Variants in PRKN observed in about 807,000 individuals in gnomAD.
The protein encoded by PRKN is parkin RBR E3 ubiquitin protein ligase, also known as E3 ubiquitin-protein ligase parkin.
Under a neutral mutation model 59.5 loss-of-function variants are expected in PRKN, and 56 were observed. The ratio of observed to expected loss-of-function variants is 0.94; its 90% CI spans 0.76 to 1.18. The LOEUF is 1.18. Among genes scored for constraint, PRKN ranks in the 50% most tolerant of loss-of-function variants. The pLI is 0.00. For synonymous variants in PRKN, 250 were observed against 222.1 expected (o/e 1.13, Z -1.12); for missense variants, 657 against 596.4 (o/e 1.10, Z -1.06).
intron 7 of PRKN, among the ~76,000 whole-genome samples, chr6:161,672,011 C>T (rs1423981136): frequency 2.0e-5 from 3 of 152,290 alleles, no homozygotes; most frequent in Admixed American, 1.3e-4. Flanking sequence ...TTGCTTGGAG[C>T]GGTCCACACA....
In PRKN at chr6:162,631,985, T is replaced by TAA. The variant is rs766901063; in HGVS notation, c.7+95675_7+95676dup. Among the ~76,000 whole-genome samples the TAA allele has an allele frequency of 3.1e-3, 359 of 117,210 alleles. 2 individuals carry two copies. The highest frequency in any genetic ancestry group is 9.3e-3 in the African/African-American group (289 of 31,218). The allele number at this position is 117,210 out of a possible 152,430, so 76.9% of individuals were successfully genotyped here. A position where few individuals can be genotyped will look rare whatever the true frequency, so the allele number is the denominator to read the frequency against. ...AGTCAGAATGGCTATTATTAAAAAG[T>TAA]AAAAAAAAAAAAAAAAGATGTGGCA... On this transcript the variant is annotated intron_variant, in intron 1 of 11. Coordinates refer to ENST00000366898, the MANE Select transcript of PRKN (RefSeq NM_004562.3).
chr6:162,485,493 G>C (rs917855245), intron 1 of PRKN, among the ~76,000 whole-genome samples: 4 of 152,130 alleles, frequency 2.6e-5, no homozygotes, highest in Non-Finnish European at 5.9e-5. Context: ...AAATGTTACA[G>C]CAGAAAGCCA....
intron 1 of PRKN, among the ~76,000 whole-genome samples, chr6:162,520,735 A>G (rs1778048763): frequency 6.6e-6 from 1 of 152,078 alleles, no homozygotes; most frequent in Non-Finnish European, 1.5e-5. Context: ...ATTTCAAGTA[A>G]TTACTTACTT....
intron 7 of PRKN, among the ~76,000 whole-genome samples, chr6:161,570,257 T>A (rs910840882): frequency 1.4e-5 from 2 of 146,060 alleles, no homozygotes; most frequent in Non-Finnish European, 1.5e-5. Flanking sequence ...TATATTTTTA[T>A]ATAACTCACA....
At chr6:162,073,639 A>G (rs1247191883) in intron 4 of PRKN, among the ~76,000 whole-genome samples, 1 of 152,116 alleles carries the variant, frequency 6.6e-6, no homozygotes, top group Non-Finnish European at 1.5e-5. Flanking sequence ...TTTTGTAGAG[A>G]CAAGGTTTCG....
chr6:162,480,100 AC>A (rs1253286447), intron 1 of PRKN, among the ~76,000 whole-genome samples: 7 of 152,170 alleles, frequency 4.6e-5, no homozygotes, highest in Non-Finnish European at 8.8e-5. Flanking sequence ...CTATAAAATA[AC>A]TATAAATACA....
intron 3 of PRKN, among the ~76,000 whole-genome samples, chr6:162,229,121 A>C (rs150091445): frequency 6.6e-6 from 1 of 152,214 alleles, no homozygotes; most frequent in Non-Finnish European, 1.5e-5. Flanking sequence ...TGAGCTGCAG[A>C]TTTGTACAGC....
At chr6:162,432,817 A>G (rs757032090) in intron 2 of PRKN, among the ~76,000 whole-genome samples, 1 of 152,204 alleles carries the variant, frequency 6.6e-6, no homozygotes, top group Non-Finnish European at 1.5e-5. Flanking sequence ...GAAATCTGAA[A>G]TTACTTCATG....
intron 5 of PRKN, among the ~76,000 whole-genome samples, chr6:162,036,546 A>C (rs1338231184): frequency 6.6e-6 from 1 of 150,830 alleles, no homozygotes; most frequent in Non-Finnish European, 1.5e-5. Flanking sequence ...CGCTCGGCTA[A>C]TTTTTTGTAT....
At chr6:162,098,091 T>G (rs552680137) in intron 4 of PRKN, among the ~76,000 whole-genome samples, 43 of 152,332 alleles carry the variant, frequency 2.8e-4, no homozygotes, top group African/African-American at 9.9e-4. Flanking sequence ...TCTTGTCAGA[T>G]CTGATAAAAC....
intron 6 of PRKN, among the ~76,000 whole-genome samples, chr6:161,890,973 G>C (rs1209875815): frequency 1.3e-5 from 2 of 152,096 alleles, no homozygotes; most frequent in African/African-American, 4.8e-5. Context: ...GTGATCTATC[G>C]TCAGAGTTTC....
intron 4 of PRKN, among the ~76,000 whole-genome samples, chr6:162,175,909 T>TA (rs1304848658): frequency 1.3e-5 from 2 of 152,222 alleles, no homozygotes; most frequent in Non-Finnish European, 2.9e-5. Flanking sequence ...AAAGGCTATT[T>TA]GAGAAGCCAG....
At chr6:162,055,559 G>A (rs978246440) in intron 4 of PRKN, among the ~76,000 whole-genome samples, 7 of 152,118 alleles carry the variant, frequency 4.6e-5, no homozygotes, top group Non-Finnish European at 8.8e-5. Flanking sequence ...GGAGTAAGAG[G>A]TGGGTTGTCT....
intron 7 of PRKN, among the ~76,000 whole-genome samples, chr6:161,782,050 C>G (rs1358912618): frequency 6.6e-6 from 1 of 152,110 alleles, no homozygotes; most frequent in Non-Finnish European, 1.5e-5. Flanking sequence ...GGTGCAGTAA[C>G]CCCTCTTCTA....
chr6:162,030,244 C>T lies in PRKN; in HGVS notation c.618+23847G>A, dbSNP rs1783586903. On this transcript the variant is annotated intron_variant, in intron 5 of 11. Transcript: ENST00000366898. ...TACAACTAATAATGCCACTTTCTTC[C>T]CACTCCTTGACAAATGATGTTGCCT... 2.0e-5 allele frequency among the ~76,000 whole-genome samples: 3 copies of T among 152,124 alleles called. No homozygotes were observed. The South Asian group carries it at 6.2e-4, about 32-fold the overall frequency.
At position 161,419,369 on chromosome 6, in the gene PRKN, C is replaced by A. The variant is rs2115023968; in HGVS notation, c.1084-32492G>T. On this transcript the variant is annotated intron_variant, in intron 9 of 11. Transcript: ENST00000366898. This position sits in a 1 kb window ranked among gnomAD's most constrained non-coding sequence, Gnocchi z 4.1. Reference sequence around the variant, plus strand: ...GAGGTCCTAACCACAACACAGAGGGCCTTTCCTTTTTTCTTTTTTCTTCTT... The same window carrying A: ...GAGGTCCTAACCACAACACAGAGGGACTTTCCTTTTTTCTTTTTTCTTCTT... Among the ~76,000 whole-genome samples, 1 of 147,658 alleles carries A rather than the reference C, an allele frequency of 6.8e-6. No individual in the cohort carries two copies. The highest frequency in any genetic ancestry group is 2.0e-4 in the East Asian group (1 of 4,934).
At chr6:161,412,129 C>T (rs1409019595) in intron 9 of PRKN, among the ~76,000 whole-genome samples, 2 of 147,324 alleles carry the variant, frequency 1.4e-5, no homozygotes, top group Non-Finnish European at 3.0e-5. Context: ...TCACTCATTC[C>T]TTCACTCACT....
intron 9 of PRKN, among the ~76,000 whole-genome samples, chr6:161,517,467 G>A (rs753769253): frequency 2.0e-4 from 30 of 151,948 alleles, no homozygotes; most frequent in Non-Finnish European, 3.8e-4. Flanking sequence ...TAGGCCGGGC[G>A]TGGTGGCTCA....
At chr6:161,786,714 C>T (rs1209379127) in intron 6 of PRKN, among the ~76,000 whole-genome samples, 1 of 152,026 alleles carries the variant, frequency 6.6e-6, no homozygotes, top group African/African-American at 2.4e-5. Context: ...CATTTTCTCA[C>T]ATTTTATTGG....
Sources: gnomAD v4.1 joint callset for allele counts (sites outside exome capture counted in the v4.1 genomes callset) on GRCh38, gnomAD v4.1.1 for gene constraint, Gnocchi (gnomAD v3.1) non-coding constraint, MANE v1.5 for transcripts, NCBI Gene and HGNC (gene_info 2026-07-23, HGNC 2026-07-21) for gene names.